Variants in CTNNA3 observed in about 807,000 individuals in gnomAD.
The protein encoded by CTNNA3 is catenin alpha-3.
CTNNA3 carries 76 observed loss-of-function variants against 95.7 expected under a neutral mutation model. The ratio of observed to expected loss-of-function variants is 0.79; its 90% confidence interval spans 0.66 to 0.96. The LOEUF is 0.96. Among genes scored for constraint, CTNNA3 ranks in the 40% least tolerant of loss-of-function variants. The probability of loss-of-function intolerance (pLI) is 0.00; values close to 1 mark genes in which losing one functional copy is unlikely to be tolerated. For synonymous variants in CTNNA3, 431 were observed against 374.4 expected, an observed-to-expected ratio of 1.15 and a Z score of -1.74; for missense variants, 1,191 against 1,089.8, an observed-to-expected ratio of 1.09 and a Z score of -1.31.
At chr10:67,213,906 A>T (rs1201609110) in intron 6 of CTNNA3, among the ~76,000 whole-genome samples, 2 of 151,878 alleles carry the variant, frequency 1.3e-5, no homozygotes. Flanking sequence ...ATCAGTAGAT[A>T]GTAACTGTCA....
At chr10:65,989,696 A>C (rs752261067) in intron 15 of CTNNA3, among the ~76,000 whole-genome samples, 29 of 152,198 alleles carry the variant, frequency 1.9e-4, no homozygotes, top group Non-Finnish European at 4.1e-4. Flanking sequence ...CACGTCAGTC[A>C]AGTATTATTT....
intron 5 of CTNNA3, among the ~76,000 whole-genome samples, chr10:67,290,358 T>C (rs1027932039): frequency 2.6e-5 from 4 of 152,186 alleles, no homozygotes; most frequent in African/African-American, 9.7e-5. Flanking sequence ...ATATGCTTAT[T>C]TGCATGACTG....
At chr10:67,373,993 C>T (rs1843592892) in intron 5 of CTNNA3, among the ~76,000 whole-genome samples, 1 of 152,120 alleles carries the variant, frequency 6.6e-6, no homozygotes, top group East Asian at 1.9e-4. Context: ...TCTCCAGTGC[C>T]TCAAATGGTT....
chr10:66,952,069 G>A (rs1203926183), intron 7 of CTNNA3, among the ~76,000 whole-genome samples: 1 of 152,156 alleles, frequency 6.6e-6, no homozygotes, highest in African/African-American at 2.4e-5. Context: ...TGGGAAACAA[G>A]TCAATATTTT....
chr10:66,694,506 G>T (rs1239585918), intron 9 of CTNNA3, among the ~76,000 whole-genome samples: 1 of 152,132 alleles, frequency 6.6e-6, no homozygotes, highest in African/African-American at 2.4e-5. Flanking sequence ...GGACCAGACG[G>T]ATTCACAGCC....
chr10:66,157,429 GTAGATAGATAGATAGATGA>G (rs2084575858), intron 13 of CTNNA3, among the ~76,000 whole-genome samples: 1 of 135,814 alleles, frequency 7.4e-6, no homozygotes, highest in South Asian at 2.6e-4. Context: ...AGGTAGGTAG[GTAGATAGATAGATAGATGA>G]TAGATAGATA....
intron 5 of CTNNA3, among the ~76,000 whole-genome samples, chr10:67,278,988 C>G (rs1255382391): frequency 1.3e-5 from 2 of 152,092 alleles, no homozygotes; most frequent in Non-Finnish European, 2.9e-5. Context: ...AAATAACATT[C>G]AGCACAATCA....
At chr10:67,310,189 A>T (rs936816310) in intron 5 of CTNNA3, among the ~76,000 whole-genome samples, 1 of 152,228 alleles carries the variant, frequency 6.6e-6, no homozygotes, top group African/African-American at 2.4e-5. Context: ...TGCAAAGTTC[A>T]TAAGATTGTT....
At chr10:66,041,502 C>T (rs2079687520) in intron 15 of CTNNA3, among the ~76,000 whole-genome samples, 1 of 151,284 alleles carries the variant, frequency 6.6e-6, no homozygotes, top group Non-Finnish European at 1.5e-5. Context: ...TAGATGAGTG[C>T]TCTCTGCATG....
chr10:67,612,793 T>C (rs1445509075), intron 2 of CTNNA3, among the ~76,000 whole-genome samples: 1 of 152,146 alleles, frequency 6.6e-6, no homozygotes, highest in Non-Finnish European at 1.5e-5. Context: ...CTCTCTCATC[T>C]TCCTCTCCAA....
At chr10:67,087,824 C>A (rs1857393478) in intron 7 of CTNNA3, among the ~76,000 whole-genome samples, 2 of 152,024 alleles carry the variant, frequency 1.3e-5, no homozygotes. Flanking sequence ...TATTAACTAA[C>A]CCTTACTCTT....
intron 11 of CTNNA3, among the ~76,000 whole-genome samples, chr10:66,407,858 C>T (rs146586853): frequency 0.029 from 4,472 of 152,254 alleles, 170 homozygotes; most frequent in East Asian, 0.2. Flanking sequence ...GGATTACAGG[C>T]GTGAGAAACC....
chr10:67,399,939 T>G (rs796930023), intron 5 of CTNNA3, among the ~76,000 whole-genome samples: 18 of 152,292 alleles, frequency 1.2e-4, no homozygotes, highest in African/African-American at 4.3e-4. Flanking sequence ...TTTATTATAC[T>G]TTAAGTTTTA....
At chr10:67,234,493 G>C (rs778476535) in intron 5 of CTNNA3, among the ~76,000 whole-genome samples, 27 of 152,246 alleles carry the variant, frequency 1.8e-4, no homozygotes, top group Non-Finnish European at 2.6e-4. Flanking sequence ...CAATAAATTA[G>C]GTATTGATGG....
At chr10:67,230,072 T>C (rs1865115177) in intron 5 of CTNNA3, among the ~76,000 whole-genome samples, 2 of 152,100 alleles carry the variant, frequency 1.3e-5, no homozygotes, top group East Asian at 1.9e-4. Context: ...TTTCAAACTA[T>C]ACTATAAGGC....
At chr10:66,783,533 G>C (rs1263791921) in intron 7 of CTNNA3, among the ~76,000 whole-genome samples, 2 of 152,072 alleles carry the variant, frequency 1.3e-5, no homozygotes, top group African/African-American at 4.8e-5. Flanking sequence ...TTAGAAAAGT[G>C]CCTACCCCTG....
intron 11 of CTNNA3, among the ~76,000 whole-genome samples, chr10:66,385,568 G>A (rs182706027): frequency 3.0e-4 from 45 of 152,242 alleles, no homozygotes; most frequent in African/African-American, 9.4e-4. Context: ...AGAAAAAAAG[G>A]GATTCCTCCC....
At chr10:67,560,546 A>C (rs1343100427) in intron 3 of CTNNA3, among the ~76,000 whole-genome samples, 1 of 152,234 alleles carries the variant, frequency 6.6e-6, no homozygotes, top group Non-Finnish European at 1.5e-5. Context: ...CCAAATTCTA[A>C]ACACCATCGA....
chr10:66,661,152 C>A (rs201155442), intron 9 of CTNNA3, among the ~76,000 whole-genome samples: 1 of 151,852 alleles, frequency 6.6e-6, no homozygotes, highest in African/African-American at 2.4e-5. Flanking sequence ...TCACTATTTT[C>A]ATTCTGCCAA....
Sources: gnomAD v4.1 joint callset for allele counts (sites outside exome capture counted in the v4.1 genomes callset) on GRCh38, gnomAD v4.1.1 for gene constraint, MANE v1.5 for transcripts, NCBI Gene and HGNC (gene_info 2026-07-23, HGNC 2026-07-21) for gene names.